The following TMEM132E variants were observed in gnomAD, a reference collection of about 807,000 sequenced individuals.
TMEM132E encodes transmembrane protein 132E.
Under a neutral mutation model 78.5 loss-of-function variants are expected in TMEM132E, and 49 were observed. The ratio of observed to expected loss-of-function variants is 0.62; its 90% CI spans 0.50 to 0.79. TMEM132E has a LOEUF of 0.79. TMEM132E is among the 30% of genes least tolerant of loss of function. The pLI is 0.00. For synonymous variants in TMEM132E, 715 were observed against 670.6 expected (o/e 1.07, Z -1.02); for missense variants, 1,403 against 1,470.9 (o/e 0.95, Z 0.75).
At chr17:34,611,388 G>A (rs1200918123) in intron 1 of TMEM132E, among the ~76,000 whole-genome samples, 1 of 152,212 alleles carries the variant, frequency 6.6e-6, no homozygotes, top group Admixed American at 6.5e-5. Context: ...GGAGCTGTGA[G>A]ACCTTGGGTG....
chr17:34,634,229 C>T (rs912487268), intron 6 of TMEM132E, among the ~76,000 whole-genome samples: 3 of 152,216 alleles, frequency 2.0e-5, no homozygotes, highest in Non-Finnish European at 4.4e-5. Context: ...CCCAAATCAT[C>T]AAGTCCAGGT....
chr17:34,632,033 C>A (rs1231384098), intron 5 of TMEM132E, among the ~76,000 whole-genome samples: 2 of 152,178 alleles, frequency 1.3e-5, no homozygotes, highest in African/African-American at 4.8e-5. Context: ...AGTCAGTATC[C>A]AGGTGGGCAG....
chr17:34,613,544 A>G (rs1388697740), intron 1 of TMEM132E, among the ~76,000 whole-genome samples: 2 of 151,530 alleles, frequency 1.3e-5, no homozygotes, highest in Admixed American at 6.6e-5. Context: ...TGACTCCAGG[A>G]TAGGGTTTTC....
chr17:34,601,807 G>A (rs914570201), intron 1 of TMEM132E, among the ~76,000 whole-genome samples: 1 of 152,136 alleles, frequency 6.6e-6, no homozygotes. Flanking sequence ...CCAGGCCCGA[G>A]TACCTTCCTC....
chr17:34,628,866 A>G, intron 3 of TMEM132E, 146 bp from the exon 4 acceptor site: 1 of 1,363,884 alleles, frequency 7.3e-7, no homozygotes, highest in Non-Finnish European at 9.8e-7. Flanking sequence ...CTGGGGCTGG[A>G]GCACCTCAGA....
intron 1 of TMEM132E, among the ~76,000 whole-genome samples, chr17:34,598,675 A>G (rs988378413): frequency 1.1e-4 from 16 of 152,310 alleles, no homozygotes; most frequent in African/African-American, 3.6e-4. Flanking sequence ...ATAAACACAG[A>G]CACAGTCCTC....
chr17:34,621,524 G>C (rs564086141), intron 1 of TMEM132E, among the ~76,000 whole-genome samples: 7 of 152,208 alleles, frequency 4.6e-5, no homozygotes, highest in Non-Finnish European at 1.0e-4. Flanking sequence ...CAAGGGCAGG[G>C]CACAGTTCAG....
At chr17:34,596,853 C>CA (rs35038070) in intron 1 of TMEM132E, among the ~76,000 whole-genome samples, 31,005 of 71,994 alleles carry the variant, frequency 0.43, 6,184 homozygotes, top group Non-Finnish European at 0.55. Context: ...CTAAGTAGCT[C>CA]AAAAAAAAAA....
intron 1 of TMEM132E, among the ~76,000 whole-genome samples, chr17:34,590,665 C>A (rs1016537327): frequency 2.6e-5 from 4 of 151,938 alleles, no homozygotes; most frequent in African/African-American, 9.7e-5. Flanking sequence ...TGGGAGAGAG[C>A]CAAAATGCCT....
chr17:34,612,866 G>GC (rs1232149016), intron 1 of TMEM132E, among the ~76,000 whole-genome samples: 1 of 152,038 alleles, frequency 6.6e-6, no homozygotes, highest in African/African-American at 2.4e-5. Flanking sequence ...TCCGTCACTG[G>GC]GGGGGGCAGT....
In TMEM132E at chr17:34,638,176, C is replaced by T. The variant is rs372624603; in HGVS notation, c.3169C>T (p.Pro1057Ser). ...GCPDVAGPTRPTAPPDLHNYM... is the reference protein window; with the variant it reads ...GCPDVAGPTRSTAPPDLHNYM... The stretch of plus-strand genomic sequence containing the variant: ...CCCGGATGTGGCGGGCCCCACGCGG[C>T]CCACTGCACCCCCGGACCTGCACAA... The change falls in exon 9 of 9, where the codon CCC (proline) becomes TCC (serine). Residue 1057 changes from proline (P) to serine (S), a missense_variant. Coordinates refer to ENST00000631683, the MANE Select transcript of TMEM132E (RefSeq NM_001304438.2). 3.1e-6 allele frequency: 5 copies of T among 1,604,434 alleles called. No individual in the cohort carries two copies. The African/African-American group carries it at 6.7e-5, about 21-fold the overall frequency.
intron 1 of TMEM132E, among the ~76,000 whole-genome samples, chr17:34,618,994 G>A (rs545248124): frequency 6.6e-6 from 1 of 152,266 alleles, no homozygotes; most frequent in East Asian, 1.9e-4. Context: ...TCCACCGCAG[G>A]TCTCCTGGGT....
rs113065951 is a variant in TMEM132E, at chr17:34,605,850, G to C, written c.68-20277G>C. On this transcript the variant is annotated intron_variant, in intron 1 of 8. Coordinates refer to ENST00000631683, the MANE Select transcript of TMEM132E (RefSeq NM_001304438.2). The stretch of plus-strand genomic sequence containing the variant: ...CCTCTTTAGAACCGACGCTACTTGA[G>C]ACGTATTCTTCTCGTGGCGAAAAGG... Among the ~76,000 whole-genome samples the C allele has an allele frequency of 1.5e-3, 226 of 152,256 alleles. 1 individual carries two copies. Among genetic ancestry groups the C allele is most frequent in the African/African-American group, 5.2e-3 (214 of 41,538 alleles).
Position 34,581,072 on chromosome 17 carries a change from C to G in TMEM132E, c.-5C>G. On this transcript the variant is annotated 5_prime_UTR_variant, in exon 1 of 9. Transcript: ENST00000631683. The stretch of plus-strand genomic sequence containing the variant: ...TCTCGGACCCCTCCCGCCCCCGCCT[C>G]GGCCATGGCCCCGGGGATGTCGGGC... 1.3e-6 allele frequency: 2 copies of G among 1,548,516 alleles called. No individual in the cohort carries two copies. The highest frequency in any genetic ancestry group is 1.7e-6 in the Non-Finnish European group (2 of 1,154,494).
Position 34,626,265 on chromosome 17 carries a change from C to T in TMEM132E, c.206C>T (p.Ala69Val), listed in dbSNP as rs1309473926. ...GCGCGGCCCCCGTCACCCGCGGTCG[C>T]CAACAGCTCTCTGCAGCGCTCCGAG... ...REARPPSPAV[A>V]NSSLQRSEPF... The change falls in exon 2 of 9, where the codon GCC becomes GTC. Residue 69 changes from alanine (A) to valine (V), a missense_variant. Physicochemically the swap from Ala to Val is moderately conservative, Grantham distance 64. Transcript: ENST00000631683. 4.4e-6 allele frequency: 7 copies of T among 1,605,568 alleles called. No homozygotes were observed. The South Asian group carries it at 7.8e-5, about 18-fold the overall frequency.
At chr17:34,629,857 G>C (rs1230896328) in intron 4 of TMEM132E, 151 bp from the exon 5 acceptor site, 2 of 841,752 alleles carry the variant, frequency 2.4e-6, no homozygotes, top group Non-Finnish European at 3.5e-6. Context: ...AGGGGTGGTT[G>C]CCTATCCCTG....
chr17:34,614,229 G>A (rs114614075), intron 1 of TMEM132E, among the ~76,000 whole-genome samples: 1,890 of 152,216 alleles, frequency 0.012, 39 homozygotes, highest in African/African-American at 0.043. Flanking sequence ...TTTGTCTCTA[G>A]CTGCACAGCC....
intron 1 of TMEM132E, among the ~76,000 whole-genome samples, chr17:34,617,930 C>T (rs1906835711): frequency 6.6e-6 from 1 of 152,204 alleles, no homozygotes; most frequent in Admixed American, 6.5e-5. Flanking sequence ...ATAATCCCCA[C>T]CCCCTAGAGA....
chr17:34,581,350 A>AG (rs1376054285), intron 1 of TMEM132E, among the ~76,000 whole-genome samples: 1 of 127,286 alleles, frequency 7.9e-6, no homozygotes, highest in Non-Finnish European at 1.7e-5. Flanking sequence ...GCGCCAGAAA[A>AG]GGGTGGGGGG....
Sources: gnomAD v4.1 joint callset for allele counts (sites outside exome capture counted in the v4.1 genomes callset) on GRCh38, gnomAD v4.1.1 for gene constraint, MANE v1.5 for transcripts, NCBI Gene and HGNC (gene_info 2026-07-23, HGNC 2026-07-21) for gene names.